The following MYO16 variants were observed in gnomAD, a reference collection of about 807,000 sequenced individuals.
MYO16 encodes unconventional myosin-XVI.
MYO16 carries 94 observed loss-of-function variants against 205.3 expected under a neutral mutation model. The ratio of observed to expected loss-of-function variants is 0.46; its 90% CI spans 0.39 to 0.54. MYO16 has a LOEUF of 0.54. Ranked by LOEUF, MYO16 falls within the 20% of genes least tolerant of loss-of-function variation. MYO16 has a pLI of 0.00. For synonymous variants in MYO16, 988 were observed against 954.0 expected, an observed-to-expected ratio of 1.04 and a Z score of -0.66; for missense variants, 2,315 against 2,387.5, an observed-to-expected ratio of 0.97 and a Z score of 0.63.
At chr13:108,989,680 A>G (rs1159496360) in intron 20 of MYO16, among the ~76,000 whole-genome samples, 1 of 152,164 alleles carries the variant, frequency 6.6e-6, no homozygotes, top group African/African-American at 2.4e-5. Context: ...GTTCCTATAT[A>G]TGGAAGTACT....
intron 6 of MYO16, among the ~76,000 whole-genome samples, chr13:108,798,688 A>T (rs75821550): frequency 0.011 from 771 of 69,802 alleles, no homozygotes; most frequent in African/African-American, 0.021. Context: ...CCCGAGGCTT[A>T]TTTTTTTTTT....
intron 27 of MYO16, among the ~76,000 whole-genome samples, chr13:109,080,341 G>A (rs891434923): frequency 1.3e-5 from 2 of 152,162 alleles, no homozygotes; most frequent in Non-Finnish European, 2.9e-5. Flanking sequence ...TTCATAAAAT[G>A]ATGATGCTAG....
intron 32 of MYO16, among the ~76,000 whole-genome samples, chr13:109,153,402 T>C (rs1877790353): frequency 6.6e-6 from 1 of 151,990 alleles, no homozygotes; most frequent in African/African-American, 2.4e-5. Context: ...TATAGATATA[T>C]AGATATAGAA....
chr13:108,749,219 G>A (rs1373628564), intron 4 of MYO16, among the ~76,000 whole-genome samples: 1 of 151,942 alleles, frequency 6.6e-6, no homozygotes, highest in Non-Finnish European at 1.5e-5. Context: ...ATTGTTATTA[G>A]CAATATATAG....
At chr13:109,020,288 T>C (rs1480704751) in intron 23 of MYO16, among the ~76,000 whole-genome samples, 3 of 152,160 alleles carry the variant, frequency 2.0e-5, no homozygotes, top group Admixed American at 1.3e-4. Flanking sequence ...GTATTTTTTA[T>C]TAAAGCATGT....
chr13:108,600,990 G>T (rs954545400), intron 1 of MYO16, among the ~76,000 whole-genome samples: 7 of 151,998 alleles, frequency 4.6e-5, no homozygotes, highest in African/African-American at 1.7e-4. Context: ...AAGAGAGAGA[G>T]AAAAAAGTAA....
chr13:108,629,890 C>G lies in MYO16; in HGVS notation c.28+18C>G, dbSNP rs754377151. 1.3e-5 allele frequency: 20 copies of G among 1,518,638 alleles called. No homozygotes were observed. The South Asian group carries it at 2.3e-4, about 17-fold the overall frequency. The allele number at this position is 1,518,638 out of a possible 1,614,324, so 94.1% of individuals were successfully genotyped here. On this transcript the variant is annotated intron_variant, in intron 1 of 34. Coordinates refer to ENST00000457511, the MANE Select transcript of MYO16 (RefSeq NM_001198950.3). Reference sequence around the variant, plus strand: ...CAAGTGCTGTAAGTAAGCTTGATATCTTGCTCATGTGGTTATTTGTCTTGT... The same window carrying G: ...CAAGTGCTGTAAGTAAGCTTGATATGTTGCTCATGTGGTTATTTGTCTTGT...
chr13:109,050,885 G>A (rs759305577), intron 24 of MYO16, among the ~76,000 whole-genome samples: 1 of 149,434 alleles, frequency 6.7e-6, no homozygotes, highest in African/African-American at 2.5e-5. Flanking sequence ...TTTTAACACT[G>A]CCTTACATTC....
intron 31 of MYO16, among the ~76,000 whole-genome samples, chr13:109,129,139 G>A (rs1182069875): frequency 1.4e-5 from 2 of 145,924 alleles, no homozygotes; most frequent in Non-Finnish European, 3.0e-5. Context: ...TCACCATGCT[G>A]TACACTCTTC....
At chr13:109,082,766 C>T (rs570808654) in intron 27 of MYO16, among the ~76,000 whole-genome samples, 4 of 151,190 alleles carry the variant, frequency 2.6e-5, no homozygotes, top group South Asian at 2.1e-4. Context: ...ACCTGGGAGG[C>T]GGAGGTTGCA....
chr13:108,641,168 G>C (rs1363772000), intron 1 of MYO16, among the ~76,000 whole-genome samples: 3 of 152,198 alleles, frequency 2.0e-5, no homozygotes, highest in Non-Finnish European at 4.4e-5. Flanking sequence ...TTTAAAACAA[G>C]ATAAGAATGC....
At chr13:108,680,376 A>G (rs1882411815) in intron 2 of MYO16, among the ~76,000 whole-genome samples, 1 of 152,246 alleles carries the variant, frequency 6.6e-6, no homozygotes, top group Admixed American at 6.5e-5. Flanking sequence ...CTACAATGCA[A>G]AATAAATGAG....
At chr13:109,151,353 C>T (rs1480351071) in intron 32 of MYO16, among the ~76,000 whole-genome samples, 1 of 152,122 alleles carries the variant, frequency 6.6e-6, no homozygotes, top group Non-Finnish European at 1.5e-5. Flanking sequence ...CAATTAGTGG[C>T]CATTTGCAAA....
chr13:108,869,370 T>C (rs980528165), intron 12 of MYO16, among the ~76,000 whole-genome samples: 9 of 152,102 alleles, frequency 5.9e-5, no homozygotes, highest in Non-Finnish European at 1.2e-4. Context: ...TTATAAATAA[T>C]CATTTAAAAA....
intron 4 of MYO16, among the ~76,000 whole-genome samples, chr13:108,742,318 C>CTAA (rs1213556377): frequency 6.6e-6 from 1 of 151,986 alleles, no homozygotes; most frequent in Admixed American, 6.6e-5. Context: ...TATAAAAAAT[C>CTAA]TAATATCAGA....
the MYO16 span, among the ~76,000 whole-genome samples, chr13:108,563,092 A>G: frequency 6.6e-6 from 1 of 152,178 alleles, no homozygotes; most frequent in African/African-American, 2.4e-5. Flanking sequence ...ATTGGCATGG[A>G]CCAGATAAGG....
At chr13:109,111,811 C>T (rs1048597184) in intron 28 of MYO16, among the ~76,000 whole-genome samples, 6 of 151,996 alleles carry the variant, frequency 3.9e-5, no homozygotes, top group African/African-American at 1.4e-4. Context: ...CTCAGCCTCC[C>T]AAGTAGCTGG....
chr13:109,019,645 A>G, intron 22 of MYO16, 66 bp from the exon 23 acceptor site: 2 of 1,288,396 alleles, frequency 1.6e-6, no homozygotes, highest in Non-Finnish European at 2.2e-6. Flanking sequence ...AGCATGCTTG[A>G]ATAATAACAA....
At chr13:108,646,042 T>C (rs1237502149) in intron 1 of MYO16, among the ~76,000 whole-genome samples, 1 of 152,208 alleles carries the variant, frequency 6.6e-6, no homozygotes, top group Non-Finnish European at 1.5e-5. Flanking sequence ...AGTTTCAGGC[T>C]GACTGTAGGT....
Sources: allele counts gnomAD v4.1 joint callset (sites outside exome capture counted in the v4.1 genomes callset), GRCh38; gene constraint gnomAD v4.1.1; transcripts MANE v1.5; gene names NCBI Gene and HGNC (gene_info 2026-07-23, HGNC 2026-07-21).